NCKAP5: variants seen among roughly 807,000 people sequenced by gnomAD.
NCKAP5 encodes nck-associated protein 5.
A neutral mutation model predicts 167.0 loss-of-function variants in NCKAP5; 92 were observed. The observed-to-expected ratio is 0.55, with a 90% CI of 0.47 to 0.66. The LOEUF (loss-of-function observed/expected upper bound fraction) is 0.66, where lower values mean the gene tolerates loss of function less well. Among genes scored for constraint, NCKAP5 ranks in the 30% least tolerant of loss-of-function variants. The probability of loss-of-function intolerance (pLI) is 0.00; values close to 1 mark genes in which losing one functional copy is unlikely to be tolerated. For synonymous variants in NCKAP5, 891 were observed against 877.4 expected, an observed-to-expected ratio of 1.02 and a Z score of -0.27; for missense variants, 2,378 against 2,315.0, an observed-to-expected ratio of 1.03 and a Z score of -0.56.
intron 14 of NCKAP5, 107 bp from the exon 15 acceptor site, chr2:132,781,336 G>C (rs1340631741): frequency 9.2e-7 from 1 of 1,085,264 alleles, no homozygotes; most frequent in Non-Finnish European, 1.3e-6. Flanking sequence ...GTAGCTCTTT[G>C]TCTTTAAACC....
At chr2:133,531,286 CA>C (rs1400898399) in intron 2 of NCKAP5, among the ~76,000 whole-genome samples, 1 of 152,020 alleles carries the variant, frequency 6.6e-6, no homozygotes. Context: ...TTACTTCAAT[CA>C]TTAATTTATT....
chr2:133,223,615 G>A (rs1469558545), intron 4 of NCKAP5, among the ~76,000 whole-genome samples: 1 of 152,152 alleles, frequency 6.6e-6, no homozygotes, highest in Non-Finnish European at 1.5e-5. Context: ...TGAAAGAAAT[G>A]TCTTTATATA....
At chr2:133,105,012 T>C (rs1386670512) in intron 6 of NCKAP5, among the ~76,000 whole-genome samples, 1 of 152,228 alleles carries the variant, frequency 6.6e-6, no homozygotes, top group Non-Finnish European at 1.5e-5. Context: ...CGCTAATAAG[T>C]AGCAGGCCTC....
chr2:132,747,601 C>A (rs2104762592), intron 16 of NCKAP5, among the ~76,000 whole-genome samples: 1 of 111,768 alleles, frequency 8.9e-6, no homozygotes, highest in East Asian at 3.8e-4. Flanking sequence ...CCCAGACACT[C>A]CTCTGCAGAG....
chr2:133,567,205 T>A (rs1397897305), intron 1 of NCKAP5, among the ~76,000 whole-genome samples: 1 of 152,332 alleles, frequency 6.6e-6, no homozygotes, highest in East Asian at 1.9e-4. Context: ...GATTTGCTAC[T>A]GGTTGCAAGA....
At chr2:133,645,901 T>A in the NCKAP5 span, among the ~76,000 whole-genome samples, 1 of 151,490 alleles carries the variant, frequency 6.6e-6, no homozygotes, top group Non-Finnish European at 1.5e-5. Flanking sequence ...TTTTACCATA[T>A]CTCTTTTGGT....
chr2:133,047,428 A>G lies in NCKAP5; in HGVS notation c.342-53189T>C, dbSNP rs576819010. On this transcript the variant is annotated intron_variant, in intron 6 of 19. Coordinates refer to ENST00000409261, the MANE Select transcript of NCKAP5 (RefSeq NM_207363.3). ...AAAGTCTTCCTATGAAGGGAATCTA[A>G]TTTGTATATGTCTGAAAAAGACAAT... 2.0e-5 allele frequency among the ~76,000 whole-genome samples: 3 copies of G among 152,326 alleles called. No homozygotes were observed. In the South Asian group the frequency reaches 6.2e-4, roughly 32 times the overall value.
chr2:133,392,301 T>TTTATTAAGG lies in NCKAP5; in HGVS notation c.70-89192_70-89191insCCTTAATAA, dbSNP rs561014767. Among the ~76,000 whole-genome samples, 96 of 152,300 alleles carry TTTATTAAGG rather than the reference T, an allele frequency of 6.3e-4. 2 individuals carry two copies. The South Asian group carries it at 0.019, about 31-fold the overall frequency. The stretch of plus-strand genomic sequence containing the variant: ...GAACATAACATGCTGTAAATTAAGG[T>TTTATTAAGG]TTATAGCCTGGGAGAAATAGGCTAC... On this transcript the variant is annotated intron_variant, in intron 3 of 19. Transcript: ENST00000409261.
At chr2:133,358,775 G>A (rs986083012) in intron 3 of NCKAP5, among the ~76,000 whole-genome samples, 1 of 152,118 alleles carries the variant, frequency 6.6e-6, no homozygotes, top group African/African-American at 2.4e-5. Context: ...GTTAACAAAA[G>A]CCATATGGCT....
intron 19 of NCKAP5, among the ~76,000 whole-genome samples, chr2:132,710,105 T>C (rs1054111699): frequency 1.3e-5 from 2 of 152,118 alleles, no homozygotes; most frequent in Admixed American, 6.6e-5. Flanking sequence ...TTTAAGGCAT[T>C]AAAGGCAAAA....
At chr2:132,902,482 T>A (rs1693699812) in intron 8 of NCKAP5, among the ~76,000 whole-genome samples, 1 of 152,220 alleles carries the variant, frequency 6.6e-6, no homozygotes, top group Non-Finnish European at 1.5e-5. Context: ...AAACCATTAG[T>A]CCTTTCACAG....
the NCKAP5 span, among the ~76,000 whole-genome samples, chr2:133,587,816 G>T: frequency 6.6e-6 from 1 of 152,156 alleles, no homozygotes; most frequent in Non-Finnish European, 1.5e-5. Flanking sequence ...AACCAAGAAA[G>T]AAGTTTGATT....
intron 5 of NCKAP5, among the ~76,000 whole-genome samples, chr2:133,171,594 G>C (rs746082174): frequency 6.6e-6 from 1 of 152,108 alleles, no homozygotes; most frequent in African/African-American, 2.4e-5. Context: ...AATGAATGTG[G>C]CTCCCTCTTC....
chr2:133,094,367 T>C (rs2081281997), intron 6 of NCKAP5, among the ~76,000 whole-genome samples: 1 of 152,222 alleles, frequency 6.6e-6, no homozygotes, highest in Admixed American at 6.5e-5. Context: ...TATTATTTTC[T>C]AATTATATTG....
intron 2 of NCKAP5, among the ~76,000 whole-genome samples, chr2:133,534,022 A>G (rs1685567107): frequency 6.6e-6 from 1 of 152,182 alleles, no homozygotes; most frequent in Non-Finnish European, 1.5e-5. Context: ...TGGATATTTG[A>G]CCAATTATCT....
chr2:132,905,469 C>G (rs79413914), intron 8 of NCKAP5, among the ~76,000 whole-genome samples: 1 of 152,112 alleles, frequency 6.6e-6, no homozygotes, highest in African/African-American at 2.4e-5. Context: ...AGAACCATTT[C>G]AAATTCTTCC....
intron 6 of NCKAP5, among the ~76,000 whole-genome samples, chr2:133,021,446 T>C (rs552364974): frequency 1.7e-4 from 26 of 152,350 alleles, no homozygotes; most frequent in Admixed American, 1.3e-3. Flanking sequence ...AGAATGCTTA[T>C]ATCTAAAGCC....
chr2:132,964,855 C>A (rs1263413554), intron 7 of NCKAP5, among the ~76,000 whole-genome samples: 1 of 151,602 alleles, frequency 6.6e-6, no homozygotes. Flanking sequence ...TCAAGGAGCT[C>A]ATACAATCTA....
At chr2:132,699,592 TCCTTG>T (rs1687688114) in intron 19 of NCKAP5, among the ~76,000 whole-genome samples, 1 of 152,236 alleles carries the variant, frequency 6.6e-6, no homozygotes, top group African/African-American at 2.4e-5. Context: ...TGGTTTTCTG[TCCTTG>T]CAATAGTTTG....
Sources: gnomAD v4.1 joint callset for allele counts (sites outside exome capture counted in the v4.1 genomes callset) on GRCh38, gnomAD v4.1.1 for gene constraint, MANE v1.5 for transcripts, NCBI Gene and HGNC (gene_info 2026-07-23, HGNC 2026-07-21) for gene names.